Variants in GPC6 observed in about 807,000 individuals in gnomAD.
GPC6 encodes glypican-6.
GPC6 carries 14 observed loss-of-function variants against 55.2 expected under a neutral mutation model. The ratio of observed to expected loss-of-function variants is 0.25; its 90% CI spans 0.17 to 0.40. GPC6 has a LOEUF of 0.40. Among genes scored for constraint, GPC6 ranks in the 10% least tolerant of loss-of-function variants. The pLI, the probability that GPC6 is intolerant of heterozygous loss-of-function variation, is 1.00. For missense variants in GPC6, 641 were observed against 708.5 expected, an observed-to-expected ratio of 0.90 and a Z score of 1.08; for synonymous variants, 278 against 259.6, an observed-to-expected ratio of 1.07 and a Z score of -0.68.
chr13:93,946,010 T>C (rs1878992287), intron 3 of GPC6, among the ~76,000 whole-genome samples: 1 of 152,186 alleles, frequency 6.6e-6, no homozygotes, highest in South Asian at 2.1e-4. Context: ...TTAAAGTGAA[T>C]CTGCATTAAT....
At chr13:93,226,154 A>C (rs1215707110), upstream of GPC6, among the ~76,000 whole-genome samples, 2 of 152,132 alleles carry the variant, frequency 1.3e-5, no homozygotes, top group African/African-American at 2.4e-5. Flanking sequence ...GCATCTAGTG[A>C]GAGGGAAGGA....
chr13:94,045,252 C>T (rs1338978416), intron 4 of GPC6, among the ~76,000 whole-genome samples: 2 of 151,574 alleles, frequency 1.3e-5, no homozygotes, highest in Non-Finnish European at 2.9e-5. Flanking sequence ...GATTTCAAAT[C>T]GAGTAGATAG....
At chr13:93,656,774 T>A (rs181487807) in intron 2 of GPC6, among the ~76,000 whole-genome samples, 1 of 152,186 alleles carries the variant, frequency 6.6e-6, no homozygotes, top group Admixed American at 6.5e-5. Context: ...ACAAAATCAA[T>A]GTGCAAAAAT....
At chr13:93,460,946 A>C (rs1878659893) in intron 1 of GPC6, among the ~76,000 whole-genome samples, 1 of 152,156 alleles carries the variant, frequency 6.6e-6, no homozygotes, top group Non-Finnish European at 1.5e-5. Flanking sequence ...CTTATGATTG[A>C]AATTAGTTGT....
At chr13:93,592,461 G>A (rs993077693) in intron 2 of GPC6, among the ~76,000 whole-genome samples, 10 of 149,418 alleles carry the variant, frequency 6.7e-5, no homozygotes, top group Admixed American at 1.3e-4. Flanking sequence ...GTGTTGGCCA[G>A]GGTGGTCTCA....
intron 4 of GPC6, among the ~76,000 whole-genome samples, chr13:94,256,326 C>T (rs533772916): frequency 3.9e-5 from 6 of 152,126 alleles, no homozygotes; most frequent in Non-Finnish European, 8.8e-5. Context: ...GAAAAATGGG[C>T]TGGAGCAGAA....
chr13:94,012,036 C>T (rs965799732), intron 3 of GPC6, among the ~76,000 whole-genome samples: 7 of 151,992 alleles, frequency 4.6e-5, no homozygotes, highest in East Asian at 1.9e-4. Context: ...TTTCAAAGAC[C>T]GCCATCTTAT....
intron 4 of GPC6, among the ~76,000 whole-genome samples, chr13:94,244,229 C>T (rs921757522): frequency 3.3e-5 from 5 of 152,012 alleles, no homozygotes; most frequent in Admixed American, 1.3e-4. Flanking sequence ...ATCTAAAAAC[C>T]GCATTTGATC....
chr13:93,423,268 C>G (rs1171658525), intron 1 of GPC6, among the ~76,000 whole-genome samples: 1 of 152,160 alleles, frequency 6.6e-6, no homozygotes, highest in Non-Finnish European at 1.5e-5. Flanking sequence ...CCAGGTGTAT[C>G]TCATCCCATA....
rs1166583348 is a variant in GPC6, at chr13:93,830,399, T to C, written c.565T>C (p.Cys189Arg). The change falls in exon 3 of 9, where the codon TGT becomes CGT. Residue 189 changes from cysteine (C) to arginine (R), a missense_variant. Physicochemically the swap from Cys to Arg is radical, Grantham distance 180. Coordinates refer to ENST00000377047, the MANE Select transcript of GPC6 (RefSeq NM_005708.5). ...QYHFSEDYLE[C>R]VSKYTDQLKP... is the part of the protein sequence containing the mutation. ...TCACTTCAGTGAAGACTACCTGGAATGTGTGAGCAAATACACTGACCAGCT... is the reference window on the plus strand; with the variant it reads ...TCACTTCAGTGAAGACTACCTGGAACGTGTGAGCAAATACACTGACCAGCT... 1 of 1,613,810 alleles carries C rather than the reference T, an allele frequency of 6.2e-7. No homozygotes were observed. Among genetic ancestry groups the C allele is most frequent in the Non-Finnish European group, 8.5e-7 (1 of 1,179,952 alleles).
chr13:93,878,361 CAG>C (rs1874721364), intron 3 of GPC6, among the ~76,000 whole-genome samples: 1 of 151,984 alleles, frequency 6.6e-6, no homozygotes, highest in East Asian at 2.0e-4. Context: ...AGTGAGGACA[CAG>C]TGTTCATTCC....
chr13:93,902,032 A>G (rs2140327876), intron 3 of GPC6, among the ~76,000 whole-genome samples: 1 of 152,236 alleles, frequency 6.6e-6, no homozygotes, highest in South Asian at 2.1e-4. Flanking sequence ...TAGCATATCT[A>G]TAAATTATAC....
Position 94,403,149 on chromosome 13 carries a change from C to A in GPC6, c.1600C>A (p.Arg534Ser). The change falls in exon 9 of 9, where the codon CGT (arginine) becomes AGT (serine). Residue 534 changes from arginine to serine, a missense_variant. By Grantham distance (110) the Arg-to-Ser change is moderately radical. Coordinates refer to ENST00000377047, the MANE Select transcript of GPC6 (RefSeq NM_005708.5). ...AGAGGTGGACTCTTCTGCAGCCCAG[C>A]GTGGCCACTCCCTGCTCTCCTGGTC... ...RREVDSSAAQ[R>S]GHSLLSWSLT... 1 of 1,613,844 alleles carries A rather than the reference C, an allele frequency of 6.2e-7. No individual in the cohort carries two copies. Among genetic ancestry groups the A allele is most frequent in the Admixed American group, 1.7e-5 (1 of 60,034 alleles).
At chr13:93,723,687 C>A (rs950263632) in intron 2 of GPC6, among the ~76,000 whole-genome samples, 4 of 151,916 alleles carry the variant, frequency 2.6e-5, no homozygotes, top group East Asian at 3.9e-4. Context: ...TGTAGTCAAC[C>A]AAAGCAGTTT....
chr13:94,041,934 A>G (rs1478431399), intron 4 of GPC6, among the ~76,000 whole-genome samples: 2 of 151,884 alleles, frequency 1.3e-5, no homozygotes, highest in Non-Finnish European at 2.9e-5. Context: ...CAACATACAT[A>G]CGTAACCATA....
intron 2 of GPC6, among the ~76,000 whole-genome samples, chr13:93,603,469 C>G (rs1040725198): frequency 6.6e-6 from 1 of 152,186 alleles, no homozygotes; most frequent in African/African-American, 2.4e-5. Flanking sequence ...TTTCTAACAG[C>G]TTTCCATGTG....
intron 1 of GPC6, among the ~76,000 whole-genome samples, chr13:93,485,083 C>G (rs1012106695): frequency 2.0e-5 from 3 of 152,082 alleles, no homozygotes; most frequent in East Asian, 1.9e-4. Context: ...GTTAGCCCCC[C>G]CTGGAGATGT....
In GPC6 at chr13:93,718,226, A is replaced by G. The variant is rs183596963; in HGVS notation, c.320-111928A>G. ...GGTTGAACTAATTTACACTCCCACC[A>G]TTAGTGTAATATCATTTCTATTTCT... On this transcript the variant is annotated intron_variant, in intron 2 of 8. Transcript: ENST00000377047. Among the ~76,000 whole-genome samples, 104 of 152,128 alleles carry G rather than the reference A, an allele frequency of 6.8e-4. 1 individual carries two copies. Among genetic ancestry groups the G allele is most frequent in the African/African-American group, 2.3e-3 (96 of 41,530 alleles).
chr13:93,373,280 C>A (rs1453499101), intron 1 of GPC6, among the ~76,000 whole-genome samples: 2 of 152,106 alleles, frequency 1.3e-5, no homozygotes, highest in Non-Finnish European at 2.9e-5. Flanking sequence ...CATTTAAATG[C>A]AAAGGAGCAC....
Sources: allele counts gnomAD v4.1 joint callset (sites outside exome capture counted in the v4.1 genomes callset), GRCh38; gene constraint gnomAD v4.1.1; transcripts MANE v1.5; gene names NCBI Gene and HGNC (gene_info 2026-07-23, HGNC 2026-07-21).